ERC2: variants seen among roughly 807,000 people sequenced by gnomAD.
ERC2 encodes ELKS/RAB6-interacting/CAST family member 2, also known as ERC protein 2.
In ERC2, 42 loss-of-function variants were observed where a neutral mutation model predicts 114.8. That is an observed-to-expected ratio of 0.37 (90% CI 0.29 to 0.47). The LOEUF (loss-of-function observed/expected upper bound fraction) is 0.47. ERC2 is among the 20% of genes least tolerant of loss of function. ERC2 has a pLI of 0.99. For synonymous variants in ERC2, 454 were observed against 425.5 expected, an observed-to-expected ratio of 1.07 and a Z score of -0.82; for missense variants, 939 against 1,150.7, an observed-to-expected ratio of 0.82 and a Z score of 2.66.
chr3:56,337,595 G>T (rs1317774307), intron 2 of ERC2, among the ~76,000 whole-genome samples: 3 of 152,182 alleles, frequency 2.0e-5, no homozygotes, highest in Non-Finnish European at 4.4e-5. Context: ...TCCATCTGTG[G>T]TTCCCACAAT....
chr3:55,769,263 T>C (rs9835091), intron 14 of ERC2, among the ~76,000 whole-genome samples: 41,857 of 152,018 alleles, frequency 0.28, 6,931 homozygotes, highest in African/African-American at 0.45. Context: ...TCACTGCTGA[T>C]GAGGTCAAGT....
At chr3:56,311,542 G>A (rs568005672) in intron 2 of ERC2, among the ~76,000 whole-genome samples, 28 of 151,648 alleles carry the variant, frequency 1.8e-4, no homozygotes, top group African/African-American at 4.1e-4. Flanking sequence ...CTCGTGATCC[G>A]CCCGCCTCGG....
rs747759436 is a variant in ERC2 at position 55,992,014 on chromosome 3, A to G, written c.2255+43T>C. 4 of 1,576,236 alleles carry G rather than the reference A, an allele frequency of 2.5e-6. No homozygotes were observed. In the Admixed American group the frequency reaches 5.1e-5, roughly 20 times the overall value. On this transcript the variant is annotated intron_variant, in intron 11 of 17. Coordinates refer to ENST00000288221, the MANE Select transcript of ERC2 (RefSeq NM_015576.3). The stretch of plus-strand genomic sequence containing the variant: ...CCGGAGATGGGCAACCACGCAGTCC[A>G]TGTTCTCTCACTGCCAACAATTTAT...
chr3:55,777,185 A>G (rs994816787), intron 14 of ERC2, among the ~76,000 whole-genome samples: 2 of 152,250 alleles, frequency 1.3e-5, no homozygotes, highest in Non-Finnish European at 2.9e-5. Context: ...CCTGTGGATC[A>G]TACCTGGTGT....
chr3:56,349,985 T>C (rs2058489038), intron 2 of ERC2, among the ~76,000 whole-genome samples: 2 of 151,370 alleles, frequency 1.3e-5, no homozygotes, highest in African/African-American at 4.8e-5. Flanking sequence ...TGAAATAATA[T>C]GTACACCCCT....
chr3:56,023,004 T>C (rs1194227043), intron 7 of ERC2, among the ~76,000 whole-genome samples: 2 of 152,160 alleles, frequency 1.3e-5, no homozygotes, highest in South Asian at 2.1e-4. Flanking sequence ...ACCCTAATCC[T>C]AATGGCTTTA....
chr3:55,582,181 A>G (rs891610999), intron 17 of ERC2, among the ~76,000 whole-genome samples: 2 of 152,168 alleles, frequency 1.3e-5, no homozygotes, highest in African/African-American at 2.4e-5. Flanking sequence ...CCCCAGTAAC[A>G]TCCTGCATGT....
chr3:56,317,631 G>A (rs1423068112), intron 2 of ERC2, among the ~76,000 whole-genome samples: 3 of 152,002 alleles, frequency 2.0e-5, no homozygotes, highest in East Asian at 1.9e-4. Flanking sequence ...TATTTCAATC[G>A]TCCACTCAAA....
At chr3:55,928,201 T>G (rs991089959) in intron 13 of ERC2, among the ~76,000 whole-genome samples, 5 of 152,322 alleles carry the variant, frequency 3.3e-5, no homozygotes, top group South Asian at 2.1e-4. Flanking sequence ...TCCATAGTGG[T>G]TGTACATAGT....
At chr3:55,851,813 G>C (rs1237699590) in intron 14 of ERC2, among the ~76,000 whole-genome samples, 1 of 152,062 alleles carries the variant, frequency 6.6e-6, no homozygotes, top group East Asian at 1.9e-4. Context: ...TTGGCCATGG[G>C]AGCTCAGCCT....
chr3:56,135,937 A>T (rs11915970), intron 6 of ERC2, among the ~76,000 whole-genome samples: 21,081 of 152,248 alleles, frequency 0.14, 1,608 homozygotes, highest in South Asian at 0.25. Context: ...GCAGTAGCAA[A>T]ATAAGAAACT....
chr3:56,301,782 TAA>T lies in ERC2; in HGVS notation c.658-5349_658-5348del, dbSNP rs778900338. Among the ~76,000 whole-genome samples, 404 of 152,244 alleles carry T rather than the reference TAA, an allele frequency of 2.7e-3. 1 individual carries two copies. The highest frequency in any genetic ancestry group is 3.2e-3 in the Non-Finnish European group (219 of 68,010). On this transcript the variant is annotated intron_variant, in intron 2 of 17. Transcript: ENST00000288221. ...AGACAATTTCAATTATAAAATATAA[TAA>T]GAGAAATAATCCATAGAAATTGATA...
chr3:56,339,235 G>A (rs755432200), intron 2 of ERC2, among the ~76,000 whole-genome samples: 1 of 152,186 alleles, frequency 6.6e-6, no homozygotes, highest in Non-Finnish European at 1.5e-5. Flanking sequence ...ATGGGAGTGC[G>A]CCATCATACA....
At chr3:55,942,320 G>A (rs1450633077) in intron 13 of ERC2, among the ~76,000 whole-genome samples, 5 of 107,312 alleles carry the variant, frequency 4.7e-5, no homozygotes, top group African/African-American at 1.1e-4. Flanking sequence ...ACGGAGTCTC[G>A]CTCTGTCGCC....
rs1423314137 is a variant in ERC2 at position 55,767,016 on chromosome 3, A to G, written c.2565-32098T>C. 2.0e-5 allele frequency among the ~76,000 whole-genome samples: 3 copies of G among 152,164 alleles called. No individual in the cohort carries two copies. In the East Asian group the frequency reaches 5.8e-4, roughly 29 times the overall value. ...TTAGAGAAGCCTAATTCATTCAACT[A>G]ACAAATATTTATTGAGTGCTTACTG... On this transcript the variant is annotated intron_variant, in intron 14 of 17. Transcript: ENST00000288221.
chr3:55,870,811 T>G (rs62256774), intron 14 of ERC2, among the ~76,000 whole-genome samples: 14,746 of 152,262 alleles, frequency 0.097, 805 homozygotes, highest in South Asian at 0.17. Flanking sequence ...CTTCCTTGGC[T>G]CAAAGCCAAC....
chr3:55,864,170 CAT>C lies in ERC2; in HGVS notation c.2564+24217_2564+24218del, dbSNP rs10548131. ...ATATATATATACACATATATATACACATATATATATACACATATATATATACA... is the reference window on the plus strand; with the variant it reads ...ATATATATATACACATATATATACACATATATATACACATATATATATACA... On this transcript the variant is annotated intron_variant, in intron 14 of 17. Transcript: ENST00000288221. 3.5e-3 allele frequency among the ~76,000 whole-genome samples: 382 copies of C among 110,090 alleles called. 4 individuals carry two copies. Among genetic ancestry groups the C allele is most frequent in the African/African-American group, 0.014 (324 of 22,554 alleles). 72.2% of individuals were successfully genotyped at this position (110,090 alleles called of 152,430 possible).
intron 17 of ERC2, among the ~76,000 whole-genome samples, chr3:55,600,368 A>G (rs1375989656): frequency 6.6e-6 from 1 of 152,200 alleles, no homozygotes; most frequent in Admixed American, 6.5e-5. Context: ...AGAAAAAACA[A>G]TCTATAAGGA....
At position 55,866,673 on chromosome 3, in the gene ERC2, A is replaced by G. The variant is rs77573953; in HGVS notation, c.2564+21716T>C. 3.8e-3 allele frequency among the ~76,000 whole-genome samples: 574 copies of G among 152,272 alleles called. 4 individuals carry two copies. Among genetic ancestry groups the G allele is most frequent in the African/African-American group, 0.013 (542 of 41,564 alleles). On this transcript the variant is annotated intron_variant, in intron 14 of 17. Coordinates refer to ENST00000288221, the MANE Select transcript of ERC2 (RefSeq NM_015576.3). ...TGAAAGAGCCCTGTACATAGCTTAG[A>G]GTTTTAAGAAATCATCCATTAAGTT...
Sources: gnomAD v4.1 joint callset for allele counts (sites outside exome capture counted in the v4.1 genomes callset) on GRCh38, gnomAD v4.1.1 for gene constraint, MANE v1.5 for transcripts, NCBI Gene and HGNC (gene_info 2026-07-23, HGNC 2026-07-21) for gene names.